AP3D1: variants seen among roughly 807,000 people sequenced by gnomAD.
The protein encoded by AP3D1 is AP-3 complex subunit delta-1.
In AP3D1, 51 loss-of-function variants were observed where a neutral mutation model predicts 147.6. That is an observed-to-expected ratio of 0.35 (90% CI 0.28 to 0.44). The LOEUF (loss-of-function observed/expected upper bound fraction) is 0.44, where lower values mean the gene tolerates loss of function less well. Ranked by LOEUF, AP3D1 falls within the 20% of genes least tolerant of loss-of-function variation. The pLI is 1.00. For synonymous variants in AP3D1, 760 were observed against 663.0 expected, an observed-to-expected ratio of 1.15 and a Z score of -2.25; for missense variants, 1,421 against 1,624.2, an observed-to-expected ratio of 0.87 and a Z score of 2.15.
At chr19:2,116,911 G>T in intron 16 of AP3D1, 165 bp from the exon 17 acceptor site, 1 of 992,208 alleles carries the variant, frequency 1.0e-6, no homozygotes. Context: ...CCCCTTAAGA[G>T]GACGCAGGGA....
chr19:2,147,988 G>A (rs569200722), intron 1 of AP3D1, among the ~76,000 whole-genome samples: 10 of 151,840 alleles, frequency 6.6e-5, no homozygotes, highest in African/African-American at 1.9e-4. Context: ...TTGAGACCAC[G>A]GTGAAAGCCC....
In AP3D1 at chr19:2,114,541, G is replaced by C. The variant is rs181199637; in HGVS notation, c.2423+207C>G. Among the ~76,000 whole-genome samples the C allele has an allele frequency of 1.7e-3, 254 of 152,268 alleles. 1 individual carries two copies. The highest frequency in any genetic ancestry group is 5.9e-3 in the African/African-American group (244 of 41,548). On this transcript the variant is annotated intron_variant, in intron 21 of 31. Transcript: ENST00000643116. ...AGACCTCCCGAGCACCCCAGGCCTG[G>C]AGACTTCAGAGTCCACACTTAAGAG...
chr19:2,151,111 C>T (rs2019496610), intron 1 of AP3D1, 128 bp downstream of exon 1: 2 of 854,718 alleles, frequency 2.3e-6, no homozygotes, highest in Non-Finnish European at 3.5e-6. Flanking sequence ...GGGCCGGAGC[C>T]CTAAGCGGGA....
intron 22 of AP3D1, among the ~76,000 whole-genome samples, chr19:2,113,782 T>C (rs372132360): frequency 9.2e-5 from 14 of 152,234 alleles, no homozygotes; most frequent in African/African-American, 2.9e-4. Flanking sequence ...TCTTTCTCTA[T>C]GTGAAAATCT....
chr19:2,156,978 A>T (rs569803280), intron 1 of AP3D1, among the ~76,000 whole-genome samples: 3 of 137,520 alleles, frequency 2.2e-5, no homozygotes, highest in Non-Finnish European at 3.0e-5. Flanking sequence ...CCATCCATCT[A>T]CCCATCCACC....
intron 12 of AP3D1, among the ~76,000 whole-genome samples, 175 bp from the exon 13 acceptor site, chr19:2,121,486 C>G (rs1375316382): frequency 6.6e-6 from 1 of 152,164 alleles, no homozygotes; most frequent in Non-Finnish European, 1.5e-5. Context: ...TAGAGGCACA[C>G]GACCCCAGCC....
intron 6 of AP3D1, 90 bp downstream of exon 6, chr19:2,130,318 C>A: frequency 1.3e-6 from 2 of 1,568,412 alleles, no homozygotes; most frequent in African/African-American, 1.4e-5. Context: ...CCACTCCCCG[C>A]AGCACCCCCC....
intron 2 of AP3D1, 136 bp from the exon 3 acceptor site, chr19:2,137,943 G>T: frequency 8.7e-6 from 5 of 577,530 alleles, no homozygotes; most frequent in Admixed American, 2.8e-5. Flanking sequence ...CACCCAATAC[G>T]TACCCCTGGG....
Position 2,129,473 on chromosome 19 carries a change from T to TTC in AP3D1, c.593-18_593-17dup. On this transcript the variant is annotated splice_polypyrimidine_tract_variant and intron_variant, in intron 6 of 31. Transcript: ENST00000643116. ...GACTGAACCCCTGGGGAACAAGGGG[T>TTC]TCTCATCAGCATGCCTGTCCTTCCA... 2 of 1,610,542 alleles carry TTC rather than the reference T, an allele frequency of 1.2e-6. No individual in the cohort carries two copies. Among genetic ancestry groups the TTC allele is most frequent in the Non-Finnish European group, 1.7e-6 (2 of 1,178,040 alleles).
intron 1 of AP3D1, among the ~76,000 whole-genome samples, chr19:2,143,392 G>A (rs930223381): frequency 1.3e-5 from 2 of 151,470 alleles, no homozygotes; most frequent in Non-Finnish European, 2.9e-5. Flanking sequence ...AGGCGCCCGC[G>A]ACCATGCCTG....
chr19:2,136,408 G>A (rs1186811298), intron 4 of AP3D1, among the ~76,000 whole-genome samples: 2 of 152,192 alleles, frequency 1.3e-5, no homozygotes, highest in East Asian at 3.9e-4. Context: ...GTGCGGTCTG[G>A]GGCCAGAAAG....
chr19:2,131,725 G>A (rs7255010), intron 5 of AP3D1, among the ~76,000 whole-genome samples: 5,516 of 24,232 alleles, frequency 0.23, 181 homozygotes, highest in African/African-American at 0.28. Context: ...AGGCAGCCAC[G>A]CGGGGACCGC....
At chr19:2,108,559 G>T in intron 31 of AP3D1, 128 bp downstream of exon 31, 1 of 808,068 alleles carries the variant, frequency 1.2e-6, no homozygotes, top group Non-Finnish European at 2.0e-6. Flanking sequence ...GGGGCTCATG[G>T]CAGCAGTGCT....
intron 2 of AP3D1, 145 bp from the exon 3 acceptor site, chr19:2,137,952 G>C (rs2019120911): frequency 1.7e-6 from 1 of 576,082 alleles, no homozygotes; most frequent in Admixed American, 3.0e-5. Flanking sequence ...CGTACCCCTG[G>C]GGCCTTTAAT....
chr19:2,148,576 G>A (rs1370163516), intron 1 of AP3D1, among the ~76,000 whole-genome samples: 5 of 152,182 alleles, frequency 3.3e-5, no homozygotes, highest in African/African-American at 1.2e-4. Context: ...GCGCTCTGGC[G>A]CTTCCAGAAA....
intron 16 of AP3D1, 30 bp downstream of exon 16, chr19:2,117,192 G>C: frequency 1.3e-6 from 2 of 1,559,552 alleles, no homozygotes; most frequent in Non-Finnish European, 1.7e-6. Context: ...CAGGGCCATG[G>C]TTGCAATGCC....
intron 4 of AP3D1, among the ~76,000 whole-genome samples, chr19:2,136,495 G>A (rs1401951395): frequency 6.6e-6 from 1 of 152,188 alleles, no homozygotes; most frequent in Non-Finnish European, 1.5e-5. Flanking sequence ...GGAACCAAAG[G>A]TGTTCAGAGC....
At chr19:2,150,867 G>A (rs1017169727) in intron 1 of AP3D1, among the ~76,000 whole-genome samples, 3 of 152,204 alleles carry the variant, frequency 2.0e-5, no homozygotes, top group African/African-American at 7.2e-5. Flanking sequence ...TGGGAGGGTG[G>A]CCCGAGACGG....
Position 2,151,336 on chromosome 19 carries a change from G to A in AP3D1, c.-2C>T, listed in dbSNP as rs758935353. Reference sequence around the variant, plus strand: ...GCCCTTCACCATCTTGAGGGCCATCGCGGCGGCCCACGGGCTTTTGCCTCG... The same window carrying A: ...GCCCTTCACCATCTTGAGGGCCATCACGGCGGCCCACGGGCTTTTGCCTCG... On this transcript the variant is annotated 5_prime_UTR_variant, in exon 1 of 32. Coordinates refer to ENST00000643116, the MANE Select transcript of AP3D1 (RefSeq NM_001261826.3). 5 of 1,579,068 alleles carry A rather than the reference G, an allele frequency of 3.2e-6. No homozygotes were observed. The African/African-American group carries it at 5.6e-5, about 18-fold the overall frequency.
Sources: allele counts gnomAD v4.1 joint callset (sites outside exome capture counted in the v4.1 genomes callset), GRCh38; gene constraint gnomAD v4.1.1; transcripts MANE v1.5; gene names NCBI Gene and HGNC (gene_info 2026-07-23, HGNC 2026-07-21).